The following CERT1 variants were observed in gnomAD, a reference collection of about 807,000 sequenced individuals.
The protein encoded by CERT1 is ceramide transfer protein.
CERT1 carries 31 observed loss-of-function variants against 87.9 expected under a neutral mutation model. The ratio of observed to expected loss-of-function variants is 0.35; its 90% CI spans 0.27 to 0.48. The LOEUF is 0.48. Among genes scored for constraint, CERT1 ranks in the 20% least tolerant of loss-of-function variants. The pLI is 0.99. For missense variants in CERT1, 487 were observed against 758.0 expected, an observed-to-expected ratio of 0.64 and a Z score of 4.20; for synonymous variants, 289 against 250.9, an observed-to-expected ratio of 1.15 and a Z score of -1.44.
At chr5:75,498,111 G>A (rs894497171) in intron 2 of CERT1, among the ~76,000 whole-genome samples, 2 of 152,162 alleles carry the variant, frequency 1.3e-5, no homozygotes, top group African/African-American at 4.8e-5. Context: ...CCCTGCCCTA[G>A]AGATCTATGG....
At chr5:75,479,093 T>C (rs1766109565) in intron 2 of CERT1, among the ~76,000 whole-genome samples, 1 of 150,206 alleles carries the variant, frequency 6.7e-6, no homozygotes, top group Non-Finnish European at 1.5e-5. Context: ...CCCTATGATA[T>C]TAAATGGGAC....
downstream of CERT1, chr5:75,373,954 C>T: frequency 2.5e-6 from 1 of 396,684 alleles, no homozygotes; most frequent in Non-Finnish European, 4.4e-6. Context: ...AAAATATAGC[C>T]ATATACATGT....
chr5:75,493,267 T>C (rs528374545), intron 2 of CERT1, among the ~76,000 whole-genome samples: 2 of 152,340 alleles, frequency 1.3e-5, no homozygotes, highest in African/African-American at 4.8e-5. Flanking sequence ...TCCTCATCAA[T>C]TCATACCCTT....
intron 5 of CERT1, among the ~76,000 whole-genome samples, chr5:75,424,255 T>C (rs1028067899): frequency 6.6e-6 from 1 of 152,130 alleles, no homozygotes; most frequent in African/African-American, 2.4e-5. Context: ...ATTCTTCTTC[T>C]ATGAGAAAAA....
intron 2 of CERT1, among the ~76,000 whole-genome samples, chr5:75,477,680 A>G (rs1419403156): frequency 6.6e-6 from 1 of 150,952 alleles, no homozygotes; most frequent in Admixed American, 6.6e-5. Flanking sequence ...CAACCAAACA[A>G]CAACAACAAA....
intron 17 of CERT1, chr5:75,369,624 C>A (rs1761013797): frequency 1.3e-5 from 2 of 152,326 alleles, no homozygotes; most frequent in Admixed American, 1.3e-4. Flanking sequence ...CTCCACAGGA[C>A]TGTTGAGTGG....
chr5:75,382,888 T>C (rs1282805616), intron 14 of CERT1, among the ~76,000 whole-genome samples: 1 of 152,008 alleles, frequency 6.6e-6, no homozygotes, highest in East Asian at 1.9e-4. Flanking sequence ...AAGTAATACA[T>C]GAAGATTTGG....
At chr5:75,454,005 G>C (rs1192482121) in intron 3 of CERT1, among the ~76,000 whole-genome samples, 1 of 152,136 alleles carries the variant, frequency 6.6e-6, no homozygotes, top group African/African-American at 2.4e-5. Flanking sequence ...CCTAACAAAA[G>C]CCCATCCAAT....
chr5:75,434,005 G>T (rs554238929), intron 3 of CERT1, among the ~76,000 whole-genome samples: 2 of 152,034 alleles, frequency 1.3e-5, no homozygotes, highest in Non-Finnish European at 2.9e-5. Flanking sequence ...TTATCGTTCT[G>T]GCTAAGAGCT....
chr5:75,466,876 C>T (rs1194829519), intron 2 of CERT1, among the ~76,000 whole-genome samples: 1 of 152,196 alleles, frequency 6.6e-6, no homozygotes, highest in East Asian at 1.9e-4. Flanking sequence ...TTTCACTTCT[C>T]CCACAACTGT....
chr5:75,379,649 G>A (rs1224430473), intron 16 of CERT1, among the ~76,000 whole-genome samples, 176 bp from the exon 17 acceptor site: 2 of 152,034 alleles, frequency 1.3e-5, no homozygotes, highest in African/African-American at 2.4e-5. Context: ...GCAGTGGCGC[G>A]ATCTTGGCTC....
chr5:75,464,199 CACA>C (rs1765356502), intron 2 of CERT1, among the ~76,000 whole-genome samples: 1 of 152,100 alleles, frequency 6.6e-6, no homozygotes, highest in Admixed American at 6.5e-5. Flanking sequence ...CCAATTTGCA[CACA>C]ACATTGGAGA....
Position 75,369,505 on chromosome 5 carries a change from T to C in CERT1, c.*10-847A>G, listed in dbSNP as rs917707454. On this transcript the variant is annotated intron_variant, in intron 17 of 17. Coordinates refer to the CERT1 transcript ENST00000261415. ...TACACATAGGCATTAAAAAGTAGAGTCTAATGGGAAAAAAAAAAACTTAAG... is the reference window on the plus strand; with the variant it reads ...TACACATAGGCATTAAAAAGTAGAGCCTAATGGGAAAAAAAAAAACTTAAG... 2.0e-5 allele frequency: 3 copies of C among 150,550 alleles called. No homozygotes were observed. The Admixed American group carries it at 2.0e-4, about 10-fold the overall frequency. 9.3% of individuals were successfully genotyped at this position (150,550 alleles called of 1,614,324 possible). A position where few individuals can be genotyped will look rare whatever the true frequency, so the allele number is the denominator to read the frequency against.
At chr5:75,480,413 T>C (rs2112388153) in intron 2 of CERT1, among the ~76,000 whole-genome samples, 1 of 152,286 alleles carries the variant, frequency 6.6e-6, no homozygotes. Flanking sequence ...CCAAAGCTCA[T>C]CAGACATTTG....
chr5:75,483,521 A>C (rs930618774), intron 2 of CERT1, among the ~76,000 whole-genome samples: 1 of 152,318 alleles, frequency 6.6e-6, no homozygotes, highest in East Asian at 1.9e-4. Flanking sequence ...TGAACATATA[A>C]GAAGGTTATA....
Position 75,508,901 on chromosome 5 carries a change from G to T in CERT1, c.96+2211C>A, listed in dbSNP as rs566629980. ...GATGGAGGAAATTCAGAAATTGAAT[G>T]AGATTATTTTATCCAGGCTTAGGTG... is the stretch of plus-strand genomic sequence containing the variant. On this transcript the variant is annotated intron_variant, in intron 1 of 16. Transcript: ENST00000643780. Among the ~76,000 whole-genome samples the T allele has an allele frequency of 6.6e-4, 101 of 152,208 alleles. 1 individual carries two copies. Among genetic ancestry groups the T allele is most frequent in the African/African-American group, 2.4e-3 (98 of 41,532 alleles).
intron 4 of CERT1, 88 bp downstream of exon 4, chr5:75,426,282 CA>C: frequency 2.3e-6 from 2 of 854,480 alleles, no homozygotes; most frequent in Non-Finnish European, 3.6e-6. Context: ...AAAGTTTGTT[CA>C]AAAAATTATC....
At chr5:75,375,251 A>T (rs1288708074), downstream of CERT1, 5 of 152,584 alleles carry the variant, frequency 3.3e-5, no homozygotes, top group Non-Finnish European at 7.3e-5. Context: ...GCCTTATTTA[A>T]TCAACAAACA....
At chr5:75,377,650 G>A (rs1034572402), downstream of CERT1, 18 of 152,094 alleles carry the variant, frequency 1.2e-4, no homozygotes, top group African/African-American at 3.9e-4. Flanking sequence ...AACAAAAAAA[G>A]TGTATCTGTG....
Sources: gnomAD v4.1 joint callset for allele counts (sites outside exome capture counted in the v4.1 genomes callset) on GRCh38, gnomAD v4.1.1 for gene constraint, MANE v1.5 for transcripts, NCBI Gene and HGNC (gene_info 2026-07-23, HGNC 2026-07-21) for gene names.